GALNT13: variants seen among roughly 807,000 people sequenced by gnomAD.
The protein encoded by GALNT13 is UDP-GalNAc:polypeptide N-acetylgalactosaminyltransferase 13.
Under a neutral mutation model 64.2 loss-of-function variants are expected in GALNT13, and 28 were observed. The ratio of observed to expected loss-of-function variants is 0.44; its 90% CI spans 0.32 to 0.60. The LOEUF (loss-of-function observed/expected upper bound fraction) is 0.60, where lower values mean the gene tolerates loss of function less well. Ranked by LOEUF, GALNT13 falls within the 20% of genes least tolerant of loss-of-function variation. GALNT13 has a pLI of 0.05. For missense variants in GALNT13, 577 were observed against 669.8 expected (o/e 0.86, Z 1.53); for synonymous variants, 214 against 224.6 (o/e 0.95, Z 0.42).
At chr2:153,072,601 A>G in the GALNT13 span, among the ~76,000 whole-genome samples, 3 of 152,046 alleles carry the variant, frequency 2.0e-5, no homozygotes, top group African/African-American at 7.2e-5. Context: ...TTCACTTTTA[A>G]TTTGAATCAG....
At chr2:153,348,369 T>C in the GALNT13 span, among the ~76,000 whole-genome samples, 2 of 152,204 alleles carry the variant, frequency 1.3e-5, no homozygotes, top group Admixed American at 6.5e-5. Context: ...TGGATTAATA[T>C]GTAAACCAAC....
chr2:153,725,607 A>T, the GALNT13 span, among the ~76,000 whole-genome samples: 1,628 of 152,172 alleles, frequency 0.011, 13 homozygotes, highest in Middle Eastern at 0.034. Flanking sequence ...AGAAAATTTT[A>T]AGAAGATTTT....
the GALNT13 span, among the ~76,000 whole-genome samples, chr2:153,359,630 CAAAAAAAAAAAA>C: frequency 1.8e-4 from 7 of 38,240 alleles, no homozygotes; most frequent in Non-Finnish European, 2.2e-4. Context: ...CAGCTTTCAG[CAAAAAAAAAAAA>C]AAAAAAAAAA....
At chr2:154,112,337 C>T (rs1309307811) in intron 3 of GALNT13, among the ~76,000 whole-genome samples, 10 of 152,252 alleles carry the variant, frequency 6.6e-5, no homozygotes, top group Non-Finnish European at 1.0e-4. Context: ...GCCCATTGGG[C>T]GATAACAGGA....
the GALNT13 span, among the ~76,000 whole-genome samples, chr2:153,561,431 C>T: frequency 3.9e-4 from 59 of 151,850 alleles, no homozygotes; most frequent in Non-Finnish European, 7.2e-4. Context: ...TTATGTGCAC[C>T]TTATACACAT....
chr2:153,652,803 T>C, the GALNT13 span, among the ~76,000 whole-genome samples: 1 of 152,100 alleles, frequency 6.6e-6, no homozygotes, highest in African/African-American at 2.4e-5. Context: ...CTGCCTCAGC[T>C]CTAAAATAAA....
chr2:153,456,232 C>T, the GALNT13 span, among the ~76,000 whole-genome samples: 2 of 152,194 alleles, frequency 1.3e-5, no homozygotes, highest in Non-Finnish European at 1.5e-5. Context: ...GGTGGAGTTT[C>T]TCCAGGGACC....
the GALNT13 span, among the ~76,000 whole-genome samples, chr2:153,438,440 C>T: frequency 6.6e-6 from 1 of 152,208 alleles, no homozygotes; most frequent in Non-Finnish European, 1.5e-5. Flanking sequence ...TGATTCCATT[C>T]TCCCCATCAC....
At chr2:153,593,565 T>G in the GALNT13 span, among the ~76,000 whole-genome samples, 1 of 152,204 alleles carries the variant, frequency 6.6e-6, no homozygotes, top group African/African-American at 2.4e-5. Flanking sequence ...CTTTGCCAAG[T>G]ACTTCCTATC....
intron 11 of GALNT13, among the ~76,000 whole-genome samples, chr2:154,431,391 TA>T (rs1438923023): frequency 2.0e-5 from 3 of 152,120 alleles, no homozygotes; most frequent in Non-Finnish European, 4.4e-5. Flanking sequence ...AAGAGTATTT[TA>T]AAAGAAGTAA....
At chr2:153,292,144 G>A in the GALNT13 span, among the ~76,000 whole-genome samples, 1 of 152,046 alleles carries the variant, frequency 6.6e-6, no homozygotes, top group Non-Finnish European at 1.5e-5. Flanking sequence ...TCGCTCAAAT[G>A]AGTAGTTTTC....
chr2:154,109,877 A>G (rs1056621703), intron 3 of GALNT13, among the ~76,000 whole-genome samples: 12 of 151,652 alleles, frequency 7.9e-5, no homozygotes, highest in Non-Finnish European at 1.5e-5. Context: ...ATTTGTTTTG[A>G]TGATTATTTT....
At chr2:153,774,115 G>GT in the GALNT13 span, among the ~76,000 whole-genome samples, 1 of 152,126 alleles carries the variant, frequency 6.6e-6, no homozygotes, top group East Asian at 1.9e-4. Flanking sequence ...ACATATTCAT[G>GT]TTTTTATATT....
chr2:153,384,800 T>C, the GALNT13 span, among the ~76,000 whole-genome samples: 1 of 152,044 alleles, frequency 6.6e-6, no homozygotes, highest in Non-Finnish European at 1.5e-5. Context: ...AATCTCTTTT[T>C]TTCAAATTAA....
At chr2:153,869,123 C>T (rs1685809710), upstream of GALNT13, among the ~76,000 whole-genome samples, 1 of 152,162 alleles carries the variant, frequency 6.6e-6, no homozygotes, top group African/African-American at 2.4e-5. Flanking sequence ...ACCTTACAAC[C>T]TCTATGTTCT....
intron 3 of GALNT13, among the ~76,000 whole-genome samples, chr2:154,085,656 G>A (rs1029884775): frequency 6.6e-6 from 1 of 152,060 alleles, no homozygotes; most frequent in African/African-American, 2.4e-5. Context: ...ATGCAACAGA[G>A]TTTCTATGCA....
At chr2:153,135,922 A>G in the GALNT13 span, among the ~76,000 whole-genome samples, 1 of 152,136 alleles carries the variant, frequency 6.6e-6, no homozygotes, top group Admixed American at 6.6e-5. Flanking sequence ...AAAAAATAAC[A>G]TGAAGTACGA....
the GALNT13 span, among the ~76,000 whole-genome samples, chr2:153,634,222 TAACTA>T: frequency 2.0e-5 from 3 of 152,128 alleles, no homozygotes; most frequent in Non-Finnish European, 4.4e-5. Context: ...CACTTGAACA[TAACTA>T]AGAAAATAAG....
intron 9 of GALNT13, among the ~76,000 whole-genome samples, chr2:154,375,154 A>AT (rs1397887268): frequency 2.0e-5 from 3 of 151,908 alleles, no homozygotes; most frequent in African/African-American, 4.8e-5. Context: ...AGCCCAGCTA[A>AT]TTTTTTATAT....
Sources: gnomAD v4.1 joint callset for allele counts (sites outside exome capture counted in the v4.1 genomes callset) on GRCh38, gnomAD v4.1.1 for gene constraint, MANE v1.5 for transcripts, NCBI Gene and HGNC (gene_info 2026-07-23, HGNC 2026-07-21) for gene names.